SERGEF: variants seen among roughly 807,000 people sequenced by gnomAD.
SERGEF encodes the protein secretion regulating guanine nucleotide exchange factor.
Under a neutral mutation model 50.0 loss-of-function variants are expected in SERGEF, and 51 were observed. That is an observed-to-expected ratio of 1.02 (90% CI 0.81 to 1.29). The LOEUF is 1.29. Ranked by LOEUF, SERGEF falls within the 50% of genes most tolerant of loss-of-function variation. The probability of loss-of-function intolerance (pLI) is 0.00; values close to 1 mark genes in which losing one functional copy is unlikely to be tolerated. For synonymous variants in SERGEF, 205 were observed against 212.4 expected (o/e 0.97, Z 0.30); for missense variants, 521 against 557.0 (o/e 0.94, Z 0.65).
chr11:17,789,692 C>T (rs1437665280), intron 10 of SERGEF, among the ~76,000 whole-genome samples: 5 of 152,212 alleles, frequency 3.3e-5, no homozygotes, highest in Non-Finnish European at 7.3e-5. Flanking sequence ...GCCCTTGCCA[C>T]TACTAGGAAT....
In SERGEF at chr11:17,862,265, T is replaced by C. The variant is rs558132967; in HGVS notation, c.1048+15943A>G. Among the ~76,000 whole-genome samples the C allele has an allele frequency of 8.7e-4, 132 of 152,300 alleles. 1 individual carries two copies. The highest frequency in any genetic ancestry group is 1.2e-3 in the South Asian group (6 of 4,818). ...TTCTAAGAAGCATTCCCTAACCCCATGTTAGGATGAAGGTGTGAATTTACA... is the reference window on the plus strand; with the variant it reads ...TTCTAAGAAGCATTCCCTAACCCCACGTTAGGATGAAGGTGTGAATTTACA... On this transcript the variant is annotated intron_variant, in intron 10 of 10. Transcript: ENST00000265965.
intron 9 of SERGEF, among the ~76,000 whole-genome samples, chr11:17,890,625 G>A (rs534249263): frequency 1.3e-5 from 2 of 152,110 alleles, no homozygotes; most frequent in African/African-American, 4.8e-5. Flanking sequence ...CTTATGATGT[G>A]GCCCAGACTG....
chr11:17,978,358 C>A (rs1244820076), intron 8 of SERGEF, among the ~76,000 whole-genome samples: 1 of 152,188 alleles, frequency 6.6e-6, no homozygotes, highest in African/African-American at 2.4e-5. Flanking sequence ...CCTGGGCCTG[C>A]CCATCTGTGG....
intron 10 of SERGEF, among the ~76,000 whole-genome samples, chr11:17,845,869 C>A (rs1850597959): frequency 6.6e-6 from 1 of 152,174 alleles, no homozygotes; most frequent in Non-Finnish European, 1.5e-5. Flanking sequence ...ATTTGCAGTT[C>A]TGATAGTCAC....
chr11:17,851,934 A>C (rs1167738721), intron 10 of SERGEF, among the ~76,000 whole-genome samples: 4 of 152,202 alleles, frequency 2.6e-5, no homozygotes, highest in South Asian at 2.1e-4. Flanking sequence ...GGCTGGATTG[A>C]ACTAAAAATA....
rs376629244 is a variant in SERGEF at position 17,967,312 on chromosome 11, C to A, written c.845-7676G>T. Among the ~76,000 whole-genome samples, 6 of 152,280 alleles carry A rather than the reference C, an allele frequency of 3.9e-5. No individual in the cohort carries two copies. In the South Asian group the frequency reaches 1.2e-3, roughly 32 times the overall value. ...TGTCTGACCTCAGCTCCACTTTTCACGTGGTCACACTGGCTCTTCAAAAGT... is the reference window on the plus strand; with the variant it reads ...TGTCTGACCTCAGCTCCACTTTTCAAGTGGTCACACTGGCTCTTCAAAAGT... On this transcript the variant is annotated intron_variant, in intron 8 of 10. Transcript: ENST00000265965.
chr11:17,876,136 G>A (rs756165513), intron 10 of SERGEF, among the ~76,000 whole-genome samples: 15 of 152,196 alleles, frequency 9.9e-5, no homozygotes, highest in Non-Finnish European at 1.9e-4. Context: ...CTCCAGTGAT[G>A]GAGAGCCTCT....
rs211142 is a variant in SERGEF at position 17,973,560 on chromosome 11, G to A, written c.845-13924C>T. ...CAGAGGCAGCAGTAGGGAAGGGAAG[G>A]AGCCTATCCTAGGATGCCAATTTGT... On this transcript the variant is annotated intron_variant, in intron 8 of 10. Coordinates refer to ENST00000265965, the MANE Select transcript of SERGEF (RefSeq NM_012139.4). 7.0e-3 allele frequency among the ~76,000 whole-genome samples: 1,071 copies of A among 152,254 alleles called. 72 individuals are homozygous for A. In the East Asian group the frequency reaches 0.15, roughly 22 times the overall value.
intron 9 of SERGEF, among the ~76,000 whole-genome samples, chr11:17,896,350 G>A (rs499856): frequency 0.69 from 105,435 of 151,774 alleles, 37,433 homozygotes; most frequent in African/African-American, 0.84. Flanking sequence ...TAAAGTATAC[G>A]TACATAAGGA....
intron 1 of SERGEF, 160 bp downstream of exon 1, chr11:18,012,791 C>CA: frequency 6.9e-7 from 1 of 1,453,594 alleles, no homozygotes; most frequent in Non-Finnish European, 9.2e-7. Flanking sequence ...CCGCCCGCTC[C>CA]TCCTCCGCTC....
intron 5 of SERGEF, among the ~76,000 whole-genome samples, chr11:17,999,051 TG>T (rs1250051527): frequency 1.3e-5 from 2 of 152,324 alleles, no homozygotes; most frequent in East Asian, 3.9e-4. Flanking sequence ...ACAACTTGGA[TG>T]AATGTCTACG....
At chr11:17,804,115 C>G (rs1849716727) in intron 10 of SERGEF, among the ~76,000 whole-genome samples, 1 of 152,184 alleles carries the variant, frequency 6.6e-6, no homozygotes, top group Admixed American at 6.5e-5. Context: ...CTCCAACTCT[C>G]AGAAGTAGGA....
At chr11:17,950,213 T>C (rs1428421484) in intron 9 of SERGEF, among the ~76,000 whole-genome samples, 1 of 152,166 alleles carries the variant, frequency 6.6e-6, no homozygotes, top group Non-Finnish European at 1.5e-5. Context: ...CTGGGTGCTA[T>C]GCAAGGTGAT....
At chr11:17,876,749 CTTGT>C (rs1387700201) in intron 10 of SERGEF, among the ~76,000 whole-genome samples, 1 of 152,352 alleles carries the variant, frequency 6.6e-6, no homozygotes, top group East Asian at 1.9e-4. Context: ...CTGCCATCTT[CTTGT>C]TTATGTTGGT....
At chr11:17,985,689 T>C (rs1853580353) in intron 8 of SERGEF, among the ~76,000 whole-genome samples, 1 of 152,178 alleles carries the variant, frequency 6.6e-6, no homozygotes, top group Non-Finnish European at 1.5e-5. Context: ...GAGAAAAGTA[T>C]TTTTCCATCA....
intron 9 of SERGEF, among the ~76,000 whole-genome samples, chr11:17,919,545 A>G (rs1448933730): frequency 1.3e-5 from 2 of 152,176 alleles, no homozygotes; most frequent in Non-Finnish European, 2.9e-5. Flanking sequence ...ACAGACTCCA[A>G]ACCATTTGAA....
chr11:17,964,742 T>A (rs1251782396), intron 8 of SERGEF, among the ~76,000 whole-genome samples: 4 of 152,214 alleles, frequency 2.6e-5, no homozygotes. Flanking sequence ...ATGATTCACC[T>A]GTTTACAAAT....
intron 10 of SERGEF, among the ~76,000 whole-genome samples, chr11:17,788,826 T>TAGC (rs1849432058): frequency 6.6e-6 from 1 of 152,230 alleles, no homozygotes; most frequent in African/African-American, 2.4e-5. Flanking sequence ...GCCATGCCAA[T>TAGC]AGCCAACTAA....
chr11:17,906,556 A>G (rs1851844586), intron 9 of SERGEF, among the ~76,000 whole-genome samples: 1 of 152,202 alleles, frequency 6.6e-6, no homozygotes. Context: ...TCTAGGAGAC[A>G]GTGCCATGCT....
Sources: gnomAD v4.1 joint callset for allele counts (sites outside exome capture counted in the v4.1 genomes callset) on GRCh38, gnomAD v4.1.1 for gene constraint, MANE v1.5 for transcripts, NCBI Gene and HGNC (gene_info 2026-07-23, HGNC 2026-07-21) for gene names.